The following RALYL variants were observed in gnomAD, a reference collection of about 807,000 sequenced individuals.
The protein encoded by RALYL is RALY RNA binding protein like.
In RALYL, 29 loss-of-function variants were observed where a neutral mutation model predicts 35.1. The observed-to-expected ratio is 0.83, with a 90% CI of 0.61 to 1.13. The LOEUF (loss-of-function observed/expected upper bound fraction) is 1.13. Ranked by LOEUF, RALYL falls within the 50% of genes most tolerant of loss-of-function variation. The pLI is 0.00. For missense variants in RALYL, 359 were observed against 360.4 expected, an observed-to-expected ratio of 1.00 and a Z score of 0.03; for synonymous variants, 120 against 127.6, an observed-to-expected ratio of 0.94 and a Z score of 0.40.
chr8:84,430,432 T>C (rs569883888), intron 1 of RALYL, among the ~76,000 whole-genome samples: 4 of 152,302 alleles, frequency 2.6e-5, no homozygotes, highest in Admixed American at 1.3e-4. Flanking sequence ...CAAATACAAT[T>C]GTACTTTTCT....
At chr8:84,619,209 T>C (rs1564251448) in intron 2 of RALYL, among the ~76,000 whole-genome samples, 1 of 151,786 alleles carries the variant, frequency 6.6e-6, no homozygotes. Context: ...AAGTCTCCCA[T>C]TATTAATGTG....
intron 1 of RALYL, among the ~76,000 whole-genome samples, chr8:84,456,254 CT>C (rs2050121974): frequency 6.6e-6 from 1 of 151,930 alleles, no homozygotes; most frequent in South Asian, 2.1e-4. Context: ...AAAAAATGAC[CT>C]TTTAAGCTGC....
chr8:84,251,027 G>T (rs1208527545), intron 1 of RALYL, among the ~76,000 whole-genome samples: 1 of 152,042 alleles, frequency 6.6e-6, no homozygotes, highest in African/African-American at 2.4e-5. Context: ...ATTCGAAAAG[G>T]AGTAATGGTG....
At chr8:84,480,634 G>GA (rs2053944147) in intron 1 of RALYL, among the ~76,000 whole-genome samples, 2 of 152,130 alleles carry the variant, frequency 1.3e-5, no homozygotes, top group Admixed American at 6.5e-5. Context: ...AGAAAGCCAA[G>GA]AAATGTGGTG....
chr8:84,868,915 T>A (rs930962961), intron 6 of RALYL, among the ~76,000 whole-genome samples: 4 of 152,148 alleles, frequency 2.6e-5, no homozygotes, highest in African/African-American at 9.7e-5. Flanking sequence ...CCTTTTCATA[T>A]TAAATTAGCT....
chr8:84,430,618 A>G (rs1397294977), intron 1 of RALYL, among the ~76,000 whole-genome samples: 3 of 152,124 alleles, frequency 2.0e-5, no homozygotes, highest in Non-Finnish European at 4.4e-5. Context: ...TCTGGAAAAA[A>G]TCATGTTTTT....
intron 1 of RALYL, among the ~76,000 whole-genome samples, chr8:84,501,390 C>T (rs1416245571): frequency 1.3e-5 from 2 of 152,040 alleles, no homozygotes; most frequent in Non-Finnish European, 2.9e-5. Context: ...CATTTCTTAA[C>T]ATACACTTAC....
At chr8:84,885,616 G>T (rs1295420409) in intron 7 of RALYL, among the ~76,000 whole-genome samples, 3 of 152,092 alleles carry the variant, frequency 2.0e-5, no homozygotes, top group African/African-American at 7.2e-5. Flanking sequence ...AAACATCAAG[G>T]CGTGTATAGC....
intron 1 of RALYL, among the ~76,000 whole-genome samples, chr8:84,415,205 G>GTTTTTTTTTTTTTTTTTTTTTT (rs33962115): frequency 1.8e-5 from 1 of 54,664 alleles, no homozygotes; most frequent in African/African-American, 5.2e-5. Context: ...GCAGACACTC[G>GTTTTTTTTTTTTTTTTTTTTTT]TTTTTTTTTT....
intron 2 of RALYL, among the ~76,000 whole-genome samples, chr8:84,567,296 G>T (rs1169825358): frequency 1.3e-5 from 2 of 151,650 alleles, no homozygotes; most frequent in Admixed American, 6.6e-5. Context: ...TGGGGATTTG[G>T]CTTCCAGTGT....
At chr8:84,435,534 T>G (rs1046647992) in intron 1 of RALYL, among the ~76,000 whole-genome samples, 1 of 152,168 alleles carries the variant, frequency 6.6e-6, no homozygotes, top group Non-Finnish European at 1.5e-5. Flanking sequence ...AGACATACAT[T>G]AATGTAAGTA....
chr8:84,690,852 C>A (rs531506774), intron 2 of RALYL, among the ~76,000 whole-genome samples: 63 of 151,938 alleles, frequency 4.1e-4, no homozygotes, highest in Middle Eastern at 3.4e-3. Context: ...TATGAGGACC[C>A]AGATTTTGGA....
intron 1 of RALYL, among the ~76,000 whole-genome samples, chr8:84,461,188 C>A (rs1212332942): frequency 6.6e-6 from 1 of 151,378 alleles, no homozygotes; most frequent in East Asian, 1.9e-4. Context: ...ATGTGGAAAC[C>A]CTGTTTTTGA....
chr8:84,789,931 T>C (rs544838724), intron 3 of RALYL, among the ~76,000 whole-genome samples: 33 of 152,248 alleles, frequency 2.2e-4, no homozygotes, highest in Admixed American at 2.1e-3. Context: ...AATAAAGATA[T>C]TATGAAAGAA....
At chr8:84,687,932 T>G (rs1837172527) in intron 2 of RALYL, among the ~76,000 whole-genome samples, 1 of 152,238 alleles carries the variant, frequency 6.6e-6, no homozygotes, top group East Asian at 1.9e-4. Context: ...GTTCATTTTT[T>G]GGGCACTTTA....
intron 2 of RALYL, among the ~76,000 whole-genome samples, chr8:84,608,932 C>CT (rs370575816): frequency 4.0e-4 from 60 of 151,416 alleles, no homozygotes; most frequent in African/African-American, 8.7e-4. Flanking sequence ...ATCTAATAGG[C>CT]TTTTTTTTTC....
At chr8:84,725,532 G>T (rs1844786115) in intron 2 of RALYL, among the ~76,000 whole-genome samples, 2 of 151,646 alleles carry the variant, frequency 1.3e-5, no homozygotes, top group Admixed American at 1.3e-4. Flanking sequence ...TGATACATCT[G>T]TTCACACATA....
chr8:84,386,188 T>C (rs948536937), intron 1 of RALYL, among the ~76,000 whole-genome samples: 2 of 151,888 alleles, frequency 1.3e-5, no homozygotes, highest in African/African-American at 4.8e-5. Context: ...TAATTACTAT[T>C]GCCACTCTGG....
chr8:84,913,030 G>GGTAGGTAGATA (rs1200070224), intron 8 of RALYL, among the ~76,000 whole-genome samples: 9 of 76,212 alleles, frequency 1.2e-4, no homozygotes, highest in African/African-American at 3.4e-4. Flanking sequence ...ATGGATGGAT[G>GGTAGGTAGATA]GATAGGTAGG....
Sources: gnomAD v4.1 joint callset for allele counts (sites outside exome capture counted in the v4.1 genomes callset) on GRCh38, gnomAD v4.1.1 for gene constraint, MANE v1.5 for transcripts, NCBI Gene and HGNC (gene_info 2026-07-23, HGNC 2026-07-21) for gene names.